SV2C: variants seen among roughly 807,000 people sequenced by gnomAD.
SV2C encodes synaptic vesicle glycoprotein 2C, also known as solute carrier family 22 member B3.
Under a neutral mutation model 79.7 loss-of-function variants are expected in SV2C, and 49 were observed. The ratio of observed to expected loss-of-function variants is 0.61; its 90% confidence interval spans 0.49 to 0.78. SV2C has a LOEUF of 0.78. Among genes scored for constraint, SV2C ranks in the 30% least tolerant of loss-of-function variants. The pLI is 0.00. For missense variants in SV2C, 833 were observed against 912.9 expected (o/e 0.91, Z 1.13); for synonymous variants, 334 against 333.2 (o/e 1.00, Z -0.03).
At chr5:75,992,383 G>A in the SV2C span, among the ~76,000 whole-genome samples, 69 of 151,916 alleles carry the variant, frequency 4.5e-4, no homozygotes, top group African/African-American at 1.6e-3. Flanking sequence ...CACTTTGCAC[G>A]GTTTGGTATA....
At chr5:76,202,887 G>A (rs1450635988) in intron 3 of SV2C, among the ~76,000 whole-genome samples, 7 of 152,032 alleles carry the variant, frequency 4.6e-5, no homozygotes, top group African/African-American at 4.8e-5. Flanking sequence ...TTGATTACAC[G>A]TTAAAATAAT....
chr5:75,982,874 A>G, the SV2C span, among the ~76,000 whole-genome samples: 1 of 152,196 alleles, frequency 6.6e-6, no homozygotes, highest in South Asian at 2.1e-4. Context: ...CAGAAAACCA[A>G]ACACCGCATG....
At chr5:75,913,838 C>G in the SV2C span, among the ~76,000 whole-genome samples, 1 of 152,170 alleles carries the variant, frequency 6.6e-6, no homozygotes, top group African/African-American at 2.4e-5. Context: ...GGGCTTTTAG[C>G]CTACAAGTGA....
rs1272486554 is a variant in SV2C, at chr5:76,209,757, T to C, written c.783T>C (p.Thr261=). Residue 261 remains threonine (T), a synonymous_variant, in exon 4 of 13, where the codon ACT becomes ACC. Transcript: ENST00000502798. ...SGFGIGGAIP[T]VFSYFAEVLA... ...GCAGGATTGGAGGAGCCATACCCAC[T>C]GTGTTCTCGTACTTTGCTGAAGTCC... 1.4e-5 allele frequency: 23 copies of C among 1,614,196 alleles called. No homozygotes were observed. Among genetic ancestry groups the C allele is most frequent in the Non-Finnish European group, 1.9e-5 (22 of 1,180,016 alleles).
the SV2C span, among the ~76,000 whole-genome samples, chr5:75,859,618 T>C: frequency 6.6e-6 from 1 of 152,086 alleles, no homozygotes; most frequent in Non-Finnish European, 1.5e-5. Context: ...GAGAAAAGTC[T>C]CCTTATTGCC....
the SV2C span, among the ~76,000 whole-genome samples, chr5:75,942,149 G>A: frequency 1.3e-5 from 2 of 152,190 alleles, no homozygotes; most frequent in East Asian, 3.8e-4. Flanking sequence ...GTGCTGGGAG[G>A]GTGCCAGCTC....
At chr5:76,149,135 T>C (rs1222915017) in intron 2 of SV2C, among the ~76,000 whole-genome samples, 2 of 152,220 alleles carry the variant, frequency 1.3e-5, no homozygotes, top group Admixed American at 6.5e-5. Flanking sequence ...TCTTGCCTTC[T>C]GTATGCCAGG....
chr5:76,303,133 C>CTT (rs1265941445), intron 12 of SV2C, among the ~76,000 whole-genome samples: 4 of 152,166 alleles, frequency 2.6e-5, no homozygotes. Flanking sequence ...TGGATGTCTG[C>CTT]TTATCAAATA....
intron 12 of SV2C, among the ~76,000 whole-genome samples, chr5:76,341,984 C>T (rs979389172): frequency 3.9e-5 from 6 of 152,142 alleles, no homozygotes; most frequent in East Asian, 1.9e-4. Flanking sequence ...GTGGTGACCC[C>T]GGCAGCAACT....
At chr5:75,969,808 C>T in the SV2C span, among the ~76,000 whole-genome samples, 1 of 152,062 alleles carries the variant, frequency 6.6e-6, no homozygotes, top group South Asian at 2.1e-4. Context: ...GAACTCAGCT[C>T]TGCACCAAGC....
intron 2 of SV2C, among the ~76,000 whole-genome samples, chr5:76,191,756 T>C (rs939275896): frequency 6.6e-6 from 1 of 152,358 alleles, no homozygotes; most frequent in Middle Eastern, 3.4e-3. Context: ...ACTAAGAGCC[T>C]GGACTGGCCA....
At chr5:76,320,664 C>T (rs1748799706) in intron 12 of SV2C, among the ~76,000 whole-genome samples, 1 of 152,136 alleles carries the variant, frequency 6.6e-6, no homozygotes, top group Admixed American at 6.5e-5. Flanking sequence ...GGGACGGGGT[C>T]ATTCTAGTAT....
chr5:75,916,912 C>T, the SV2C span, among the ~76,000 whole-genome samples: 17 of 152,180 alleles, frequency 1.1e-4, no homozygotes, highest in South Asian at 4.1e-4. Context: ...TTTCAGCCAA[C>T]GAAGGTTGGC....
At chr5:76,112,248 G>A (rs1009238095) in intron 1 of SV2C, among the ~76,000 whole-genome samples, 3 of 152,174 alleles carry the variant, frequency 2.0e-5, no homozygotes, top group African/African-American at 7.2e-5. Context: ...AAGGATCAGG[G>A]CATGGTGATG....
intron 2 of SV2C, chr5:76,174,179 C>A (rs12657175): frequency 2.5e-6 from 4 of 1,612,414 alleles, no homozygotes; most frequent in Non-Finnish European, 3.4e-6. Context: ...CTTATACTCA[C>A]GCATGATGCA....
the SV2C span, among the ~76,000 whole-genome samples, chr5:75,998,018 A>G: frequency 1.3e-5 from 2 of 152,182 alleles, no homozygotes; most frequent in East Asian, 3.9e-4. Context: ...GCCATAAAAA[A>G]GGATGAGTTC....
the SV2C span, among the ~76,000 whole-genome samples, chr5:75,903,086 T>C: frequency 3.3e-5 from 5 of 152,224 alleles, no homozygotes; most frequent in East Asian, 3.8e-4. Flanking sequence ...AACAACTTAG[T>C]AGTTATTCAA....
Position 76,325,884 on chromosome 5 carries a change from G to GGCT in SV2C, c.*339_*341dup, listed in dbSNP as rs1251929122. On this transcript the variant is annotated 3_prime_UTR_variant, in exon 13 of 13. Transcript: ENST00000502798. ...GAAAGTTTAGAAGCTAAGAAGACTGGGCTGGTGTAAGAAATAGATCCTGCT... is the reference window on the plus strand; with the variant it reads ...GAAAGTTTAGAAGCTAAGAAGACTGGGCTGCTGGTGTAAGAAATAGATCCTGCT... 4.8e-6 allele frequency: 1 copy of GGCT among 209,770 alleles called. No individual in the cohort carries two copies. The highest frequency in any genetic ancestry group is 1.1e-4 in the East Asian group (1 of 8,912). 13.0% of individuals were successfully genotyped at this position (209,770 alleles called of 1,614,324 possible). A position where few individuals can be genotyped will look rare whatever the true frequency, so the allele number is the denominator to read the frequency against.
At chr5:76,128,385 C>T (rs1287682668) in intron 1 of SV2C, among the ~76,000 whole-genome samples, 4 of 152,068 alleles carry the variant, frequency 2.6e-5, no homozygotes, top group Non-Finnish European at 2.9e-5. Context: ...TTTAGAGAAG[C>T]GGTTATAAAA....
Sources: gnomAD v4.1 joint callset for allele counts (sites outside exome capture counted in the v4.1 genomes callset) on GRCh38, gnomAD v4.1.1 for gene constraint, MANE v1.5 for transcripts, NCBI Gene and HGNC (gene_info 2026-07-23, HGNC 2026-07-21) for gene names.